TEX55: variants seen among roughly 807,000 people sequenced by gnomAD.
TEX55 encodes the protein testis-specific expressed protein 55.
Under a neutral mutation model 44.6 loss-of-function variants are expected in TEX55, and 31 were observed. The ratio of observed to expected loss-of-function variants is 0.69; its 90% CI spans 0.52 to 0.94. The LOEUF is 0.94. TEX55 is among the 40% of genes least tolerant of loss of function. The pLI is 0.00. For missense variants in TEX55, 639 were observed against 638.4 expected (o/e 1.00, Z -0.01); for synonymous variants, 230 against 230.9 (o/e 1.00, Z 0.04).
chr3:119,147,547 C>CCAG lies in TEX55; in HGVS notation c.1362_1364dup (p.Ser455dup), dbSNP rs1330993209. On this transcript the variant is annotated inframe_insertion, in exon 1 of 3. Transcript: ENST00000295622. ...TCCATCTCATCCAAATTGAACTATA[C>CCAG]CAGCAGTCAAGAAAAAACTCAAGCC... 1.2e-6 allele frequency: 2 copies of CCAG among 1,613,644 alleles called. No homozygotes were observed. Among genetic ancestry groups the CCAG allele is most frequent in the South Asian group, 2.2e-5 (2 of 90,934 alleles).
At position 119,147,602 on chromosome 3, in the gene TEX55, C is replaced by T; in HGVS notation, c.1398+15C>T. On this transcript the variant is annotated intron_variant, in intron 1 of 2. Coordinates refer to ENST00000295622, the MANE Select transcript of TEX55 (RefSeq NM_152539.3). ...TAACCAAATCTGTAAGTTAAATGGG[C>T]ATTTGATACCTACCTGGGAGATCAG... 6.3e-7 allele frequency: 1 copy of T among 1,598,068 alleles called. No individual in the cohort carries two copies.
In TEX55 at chr3:119,147,328, G is replaced by A; in HGVS notation, c.1139G>A (p.Ser380Asn). Reference sequence around the variant, plus strand: ...AGAATATTTCCCCAGTTAGGCAACAGCAAAGAGGACAAAGAGGCTGACTAC... The same window carrying A: ...AGAATATTTCCCCAGTTAGGCAACAACAAAGAGGACAAAGAGGCTGACTAC... Reference protein sequence around the residue: ...EDRIFPQLGNSKEDKEADYRV... With the variant: ...EDRIFPQLGNNKEDKEADYRV... The change falls in exon 1 of 3, where the codon AGC (serine) becomes AAC (asparagine). Residue 380 changes from serine (S) to asparagine (N), a missense_variant. Coordinates refer to ENST00000295622, the MANE Select transcript of TEX55 (RefSeq NM_152539.3). 3.7e-6 allele frequency: 6 copies of A among 1,614,192 alleles called. No homozygotes were observed. The highest frequency in any genetic ancestry group is 5.1e-6 in the Non-Finnish European group (6 of 1,180,026).
intron 2 of TEX55, among the ~76,000 whole-genome samples, chr3:119,150,250 T>C (rs1415294613): frequency 6.6e-6 from 1 of 152,098 alleles, no homozygotes; most frequent in Non-Finnish European, 1.5e-5. Flanking sequence ...GAACTACTAA[T>C]TATTAAACTG....
At chr3:119,150,824 A>G (rs1156284811) in intron 2 of TEX55, among the ~76,000 whole-genome samples, 1 of 152,220 alleles carries the variant, frequency 6.6e-6, no homozygotes, top group East Asian at 1.9e-4. Context: ...TAGTAAAAAT[A>G]TCAATTGCTA....
At position 119,147,342 on chromosome 3, in the gene TEX55, G is replaced by C; in HGVS notation, c.1153G>C (p.Glu385Gln). The C allele has an allele frequency of 6.2e-7, 1 of 1,614,208 alleles. No homozygotes were observed. The change falls in exon 1 of 3, where the codon GAG becomes CAG. Residue 385 changes from glutamate to glutamine, a missense_variant. Physicochemically the swap from Glu to Gln is conservative, Grantham distance 29 (BLOSUM62 2). Coordinates refer to ENST00000295622, the MANE Select transcript of TEX55 (RefSeq NM_152539.3). ...GTTAGGCAACAGCAAAGAGGACAAAGAGGCTGACTACAGAGTACAACCCTG... is the reference window on the plus strand; with the variant it reads ...GTTAGGCAACAGCAAAGAGGACAAACAGGCTGACTACAGAGTACAACCCTG... Reference protein sequence around the residue: ...PQLGNSKEDKEADYRVQPCKF... With the variant: ...PQLGNSKEDKQADYRVQPCKF...
chr3:119,147,362 AC>A lies in TEX55; in HGVS notation c.1176del (p.Cys393AlafsTer8). 6.2e-7 allele frequency: 1 copy of A among 1,614,168 alleles called. No individual in the cohort carries two copies. The highest frequency in any genetic ancestry group is 1.3e-5 in the African/African-American group (1 of 75,034). On this transcript the variant is annotated frameshift_variant, in exon 1 of 3. Transcript: ENST00000295622. LOFTEE classifies it high-confidence loss of function. ...ACAAAGAGGCTGACTACAGAGTACA[AC>A]CCTGCAAATTTGAGGATAGCCAAGT... ...EDKEADYRVQ[P>X]CKFEDSQVDL...
intron 2 of TEX55, among the ~76,000 whole-genome samples, chr3:119,150,474 G>C (rs923942683): frequency 1.3e-5 from 2 of 152,032 alleles, no homozygotes; most frequent in Non-Finnish European, 2.9e-5. Context: ...CCTGAAATTT[G>C]CCTGATTTTT....
At chr3:119,150,058 AC>A (rs2107558525) in intron 2 of TEX55, among the ~76,000 whole-genome samples, 1 of 152,254 alleles carries the variant, frequency 6.6e-6, no homozygotes, top group Non-Finnish European at 1.5e-5. Context: ...TCAAATCCTA[AC>A]TTTGCACTTC....
At position 119,146,519 on chromosome 3, in the gene TEX55, G is replaced by A. The variant is rs374279095; in HGVS notation, c.330G>A (p.Pro110=). Residue 110 remains proline (P), a synonymous_variant, in exon 1 of 3, where the codon CCG becomes CCA. Coordinates refer to ENST00000295622, the MANE Select transcript of TEX55 (RefSeq NM_152539.3). The part of the protein sequence containing the change: ...LRADDQVNQT[P]SEQTKGKASS... ...CAGATGATCAGGTTAATCAAACACC[G>A]TCTGAACAGACTAAAGGCAAGGCAT... The A allele has an allele frequency of 4.2e-5, 67 of 1,613,976 alleles. No homozygotes were observed. The highest frequency in any genetic ancestry group is 2.3e-4 in the Admixed American group (14 of 60,024).
Position 119,147,485 on chromosome 3 carries a change from C to A in TEX55, c.1296C>A (p.Phe432Leu), listed in dbSNP as rs145741636. 6.2e-7 allele frequency: 1 copy of A among 1,613,984 alleles called. No individual in the cohort carries two copies. Among genetic ancestry groups the A allele is most frequent in the Non-Finnish European group, 8.5e-7 (1 of 1,180,014 alleles). The change falls in exon 1 of 3, where the codon TTC (phenylalanine) becomes TTA (leucine). Residue 432 changes from phenylalanine (F) to leucine (L), a missense_variant. Transcript: ENST00000295622. ...NPVDARFTSN[F>L]QAKDQALFPR... ...TTGATGCCAGATTCACCAGTAACTT[C>A]CAAGCAAAAGACCAAGCTCTTTTCC...
At position 119,146,605 on chromosome 3, in the gene TEX55, A is replaced by T. The variant is rs771000524; in HGVS notation, c.416A>T (p.Glu139Val). ...QSDGQVSGLT[E>V]ERTAEQTERR... is the part of the protein sequence containing the mutation. ...GATGGTCAGGTGTCTGGCCTGACGG[A>T]GGAAAGAACTGCTGAACAGACTGAA... The change falls in exon 1 of 3, where the codon GAG becomes GTG. Residue 139 changes from glutamate (E) to valine (V), a missense_variant. Coordinates refer to ENST00000295622, the MANE Select transcript of TEX55 (RefSeq NM_152539.3). The T allele has an allele frequency of 6.2e-7, 1 of 1,614,046 alleles. No individual in the cohort carries two copies. Among genetic ancestry groups the T allele is most frequent in the Non-Finnish European group, 8.5e-7 (1 of 1,180,042 alleles).
At chr3:119,149,462 A>G (rs1241235606) in intron 2 of TEX55, among the ~76,000 whole-genome samples, 1 of 152,168 alleles carries the variant, frequency 6.6e-6, no homozygotes, top group Non-Finnish European at 1.5e-5. Context: ...GCCTTCTGGA[A>G]TACCCCCTGA....
rs2107555058 is a variant in TEX55 at position 119,146,248 on chromosome 3, C to A, written c.59C>A (p.Ala20Asp). Residue 20 changes from alanine to aspartate, a missense_variant, in exon 1 of 3, where the codon GCT becomes GAT. Ala to Asp is a moderately radical substitution (Grantham distance 126). Coordinates refer to ENST00000295622, the MANE Select transcript of TEX55 (RefSeq NM_152539.3). ...CCCTTGAAACATGAAAGCCCAGCCG[C>A]TCCCTCAAGTGCTGGCCACACTAAG... is the stretch of plus-strand genomic sequence containing the variant. ...AEPLKHESPA[A>D]PSSAGHTKGQ... 6.2e-7 allele frequency: 1 copy of A among 1,613,918 alleles called. No homozygotes were observed.
At chr3:119,149,728 A>C (rs955066697) in intron 2 of TEX55, among the ~76,000 whole-genome samples, 7 of 152,244 alleles carry the variant, frequency 4.6e-5, no homozygotes, top group Non-Finnish European at 1.0e-4. Flanking sequence ...ACTAGACAAT[A>C]GGAATTTTTC....
chr3:119,150,120 C>T (rs1310836106), intron 2 of TEX55, among the ~76,000 whole-genome samples: 1 of 152,082 alleles, frequency 6.6e-6, no homozygotes. Flanking sequence ...ACCTAAGATT[C>T]CTCATATAAA....
rs1348094081 is a variant in TEX55, at chr3:119,146,348, CCAGA to C, written c.161_164del (p.Gln54LeufsTer3). The C allele has an allele frequency of 1.7e-5, 27 of 1,614,072 alleles. No individual in the cohort carries two copies. The Admixed American group carries it at 4.5e-4, about 27-fold the overall frequency. ...ACCACACTGCTCACAGAATAGCTGACCAGACTGCCCTAAGAGTGCCTAGCCAGGC... is the reference window on the plus strand; with the variant it reads ...ACCACACTGCTCACAGAATAGCTGACCTGCCCTAAGAGTGCCTAGCCAGGC... On this transcript the variant is annotated frameshift_variant, in exon 1 of 3. Transcript: ENST00000295622. LOFTEE classifies it high-confidence loss of function.
In TEX55 at chr3:119,146,758, C is replaced by G; in HGVS notation, c.569C>G (p.Ala190Gly). ...HRMAGQSERR[A>G]SEQMDRRMSG... ...ATGGCAGGCCAGTCTGAGAGAAGAG[C>G]TTCCGAGCAGATGGACCGCAGAATG... The change falls in exon 1 of 3, where the codon GCT becomes GGT. Residue 190 changes from alanine (A) to glycine (G), a missense_variant. Ala to Gly is a moderately conservative substitution (Grantham distance 60). Coordinates refer to ENST00000295622, the MANE Select transcript of TEX55 (RefSeq NM_152539.3). 2 of 1,614,018 alleles carry G rather than the reference C, an allele frequency of 1.2e-6. No homozygotes were observed. The highest frequency in any genetic ancestry group is 1.7e-6 in the Non-Finnish European group (2 of 1,179,878).
At chr3:119,147,649 A>C in intron 1 of TEX55, 62 bp downstream of exon 1, 1 of 1,400,028 alleles carries the variant, frequency 7.1e-7, no homozygotes, top group Non-Finnish European at 9.8e-7. Context: ...GGGCCTGGAG[A>C]GTAAAAATAG....
chr3:119,146,209 A>G lies in TEX55; in HGVS notation c.20A>G (p.Glu7Gly), dbSNP rs1175891304. ...CAGGAAATGGAAGAGCCTCCGCAAG[A>G]GGCTCTGGCTGAACCCTTGAAACAT... MEEPPQEALAEPLKHES... is the reference protein window; with the variant it reads MEEPPQGALAEPLKHES... Residue 7 changes from glutamate (E) to glycine (G), a missense_variant, in exon 1 of 3, where the codon GAG (glutamate) becomes GGG (glycine). By Grantham distance (98) the Glu-to-Gly change is moderately conservative. Transcript: ENST00000295622. 1.9e-6 allele frequency: 3 copies of G among 1,609,150 alleles called. No homozygotes were observed. The highest frequency in any genetic ancestry group is 2.5e-6 in the Non-Finnish European group (3 of 1,178,552).
Sources: gnomAD v4.1 joint callset for allele counts (sites outside exome capture counted in the v4.1 genomes callset) on GRCh38, gnomAD v4.1.1 for gene constraint, MANE v1.5 for transcripts, NCBI Gene and HGNC (gene_info 2026-07-23, HGNC 2026-07-21) for gene names.